PSMD12: variants seen among roughly 807,000 people sequenced by gnomAD.
PSMD12 encodes the protein proteasome 26S subunit, non-ATPase 12.
Under a neutral mutation model 62.9 loss-of-function variants are expected in PSMD12, and 8 were observed. The observed-to-expected ratio is 0.13, with a 90% CI of 0.07 to 0.23. The LOEUF (loss-of-function observed/expected upper bound fraction) is 0.23. Among genes scored for constraint, PSMD12 ranks in the 10% least tolerant of loss-of-function variants. The pLI is 1.00. For synonymous variants in PSMD12, 173 were observed against 187.4 expected (o/e 0.92, Z 0.63); for missense variants, 424 against 550.2 (o/e 0.77, Z 2.29).
intron 3 of PSMD12, among the ~76,000 whole-genome samples, chr17:67,356,060 TCA>T (rs2042068235): frequency 6.6e-6 from 1 of 151,956 alleles, no homozygotes; most frequent in African/African-American, 2.4e-5. Flanking sequence ...TTGGCAGACT[TCA>T]GTTTTCTCAG....
rs1216656490 is a variant in PSMD12, at chr17:67,340,730, T to C, written c.*113A>G. 2.1e-5 allele frequency: 17 copies of C among 797,276 alleles called. No individual in the cohort carries two copies. The highest frequency in any genetic ancestry group is 3.1e-5 in the Non-Finnish European group (17 of 541,864). The allele number at this position is 797,276 out of a possible 1,614,324, so 49.4% of individuals were successfully genotyped here. On this transcript the variant is annotated 3_prime_UTR_variant, in exon 11 of 11. Transcript: ENST00000356126. ...AAGGGAGTCTCAAACATATTCACTA[T>C]TTTAAAATTTAAGACAAAGAAGCTT...
chr17:67,343,774 G>A (rs567454067), intron 9 of PSMD12, among the ~76,000 whole-genome samples: 74 of 152,232 alleles, frequency 4.9e-4, no homozygotes, highest in African/African-American at 1.6e-3. Flanking sequence ...TGTGATCTCC[G>A]TTCACTGAAA....
intron 8 of PSMD12, 22 bp downstream of exon 8, chr17:67,345,723 T>C (rs572085477): frequency 3.1e-5 from 48 of 1,561,806 alleles, no homozygotes; most frequent in Middle Eastern, 2.2e-4. Flanking sequence ...AGATATATCA[T>C]GCTAATTTCA....
chr17:67,359,347 C>T (rs2042108314), intron 1 of PSMD12, among the ~76,000 whole-genome samples: 1 of 152,130 alleles, frequency 6.6e-6, no homozygotes. Context: ...AGAGTGAGAC[C>T]TGGTCTCTAG....
chr17:67,363,278 A>C (rs1046269168), intron 1 of PSMD12, among the ~76,000 whole-genome samples: 3 of 152,182 alleles, frequency 2.0e-5, no homozygotes, highest in Non-Finnish European at 4.4e-5. Context: ...CAGCCTCCAG[A>C]GTAGCTGGGA....
At chr17:67,346,674 T>C (rs995077411) in intron 7 of PSMD12, among the ~76,000 whole-genome samples, 1 of 152,350 alleles carries the variant, frequency 6.6e-6, no homozygotes, top group South Asian at 2.1e-4. Context: ...TTCACAAAAC[T>C]ATTATAATAA....
chr17:67,361,935 GGAGA>G (rs1317408011), intron 1 of PSMD12, among the ~76,000 whole-genome samples: 22 of 141,516 alleles, frequency 1.6e-4, no homozygotes, highest in African/African-American at 5.4e-4. Flanking sequence ...AGGGAGGGAG[GGAGA>G]GAGAGAGGAA....
chr17:67,362,075 G>A (rs1364925433), intron 1 of PSMD12, among the ~76,000 whole-genome samples: 10 of 152,024 alleles, frequency 6.6e-5, no homozygotes, highest in Admixed American at 5.2e-4. Context: ...GCAACCTGCA[G>A]CACAAATGGG....
intron 3 of PSMD12, among the ~76,000 whole-genome samples, chr17:67,352,761 C>T (rs1483641113): frequency 6.6e-6 from 1 of 152,178 alleles, no homozygotes; most frequent in Non-Finnish European, 1.5e-5. Context: ...CAAATGCAGT[C>T]CCTCAAATCA....
chr17:67,357,471 G>A (rs1029745503), intron 2 of PSMD12, 40 bp from the exon 3 acceptor site: 3 of 1,612,456 alleles, frequency 1.9e-6, no homozygotes, highest in African/African-American at 2.7e-5. Flanking sequence ...ATGGAAGAAT[G>A]TTCAATGAAA....
intron 1 of PSMD12, among the ~76,000 whole-genome samples, chr17:67,361,946 G>A (rs2042134500): frequency 1.5e-5 from 2 of 136,660 alleles, no homozygotes; most frequent in Non-Finnish European, 3.1e-5. Context: ...GAGAGAGAGA[G>A]GAAGACATTA....
intron 3 of PSMD12, chr17:67,355,201 C>T (rs2042057084): frequency 6.6e-6 from 1 of 151,030 alleles, no homozygotes; most frequent in Non-Finnish European, 1.5e-5. Flanking sequence ...AACTGATTCT[C>T]CTGCCACAGC....
chr17:67,346,200 C>G (rs374291258), intron 7 of PSMD12, among the ~76,000 whole-genome samples: 5 of 152,116 alleles, frequency 3.3e-5, no homozygotes, highest in Admixed American at 6.5e-5. Context: ...CGAGACCATC[C>G]TGGCTAATAC....
intron 3 of PSMD12, among the ~76,000 whole-genome samples, chr17:67,352,100 T>A (rs12942730): frequency 4.8e-5 from 7 of 144,782 alleles, no homozygotes; most frequent in East Asian, 4.0e-4. Context: ...AAAAAAAAAA[T>A]TTTTTTTAAA....
At chr17:67,353,316 CT>C (rs1567957151) in intron 3 of PSMD12, among the ~76,000 whole-genome samples, 1 of 150,958 alleles carries the variant, frequency 6.6e-6, no homozygotes, top group Admixed American at 6.6e-5. Context: ...CTTCCCCCCG[CT>C]CCCTCTCTCT....
At chr17:67,344,868 GACTGTTTTCGTTAAATTTTATTT>G in intron 8 of PSMD12, 88 bp from the exon 9 acceptor site, 1 of 1,114,142 alleles carries the variant, frequency 9.0e-7, no homozygotes, top group Non-Finnish European at 1.2e-6. Flanking sequence ...ATTCAGCAAA[GACTGTTTTCGTTAAATTTTATTT>G]AGTAGAATGA....
intron 8 of PSMD12, among the ~76,000 whole-genome samples, chr17:67,345,416 C>T (rs962544940): frequency 1.4e-4 from 21 of 152,048 alleles, no homozygotes; most frequent in Non-Finnish European, 1.5e-5. Context: ...CCGAGGTGGG[C>T]GGATCACCTG....
chr17:67,362,396 T>C (rs958167227), intron 1 of PSMD12, among the ~76,000 whole-genome samples: 2 of 152,132 alleles, frequency 1.3e-5, no homozygotes, highest in Non-Finnish European at 2.9e-5. Context: ...AGGCTCTGGC[T>C]GGGCGCGGTG....
intron 10 of PSMD12, among the ~76,000 whole-genome samples, 197 bp downstream of exon 10, chr17:67,341,989 A>G (rs540625441): frequency 6.6e-6 from 1 of 152,348 alleles, no homozygotes; most frequent in East Asian, 1.9e-4. Context: ...CATGGACCTA[A>G]AGACAACACT....
Sources: gnomAD v4.1 joint callset for allele counts (sites outside exome capture counted in the v4.1 genomes callset) on GRCh38, gnomAD v4.1.1 for gene constraint, MANE v1.5 for transcripts, NCBI Gene and HGNC (gene_info 2026-07-23, HGNC 2026-07-21) for gene names.